The following SUMF1 variants were observed in gnomAD, a reference collection of about 807,000 sequenced individuals.
SUMF1 encodes sulfatase modifying factor 1.
SUMF1 carries 48 observed loss-of-function variants against 47.6 expected under a neutral mutation model. The ratio of observed to expected loss-of-function variants is 1.01; its 90% CI spans 0.80 to 1.28. The LOEUF (loss-of-function observed/expected upper bound fraction) is 1.28, where lower values mean the gene tolerates loss of function less well. Ranked by LOEUF, SUMF1 falls within the 50% of genes most tolerant of loss-of-function variation. The pLI, the probability that SUMF1 is intolerant of heterozygous loss-of-function variation, is 0.00. For missense variants in SUMF1, 571 were observed against 485.4 expected (o/e 1.18, Z -1.66); for synonymous variants, 230 against 192.1 (o/e 1.20, Z -1.63).
intron 8 of SUMF1, chr3:4,303,641 C>A (rs1021234246): frequency 8.4e-6 from 12 of 1,425,124 alleles, no homozygotes; most frequent in Admixed American, 2.9e-5. Context: ...TCTCTTACAG[C>A]GCACCCGTTG....
At chr3:4,317,229 G>A in intron 8 of SUMF1, 1 of 1,541,442 alleles carries the variant, frequency 6.5e-7, no homozygotes, top group Non-Finnish European at 8.7e-7. Flanking sequence ...TGATTGTAAT[G>A]GTTCCTATTT....
intron 8 of SUMF1, among the ~76,000 whole-genome samples, chr3:4,194,181 G>GT (rs57528858): frequency 6.6e-6 from 1 of 152,020 alleles, no homozygotes; most frequent in Non-Finnish European, 1.5e-5. Flanking sequence ...GAAGAACTGA[G>GT]TTTTTTTACT....
chr3:4,279,400 C>A (rs1258831051), intron 8 of SUMF1, among the ~76,000 whole-genome samples: 1 of 152,064 alleles, frequency 6.6e-6, no homozygotes, highest in Non-Finnish European at 1.5e-5. Context: ...CCTGCATGCC[C>A]ATCAACAATT....
At chr3:4,212,409 T>G (rs565183090) in intron 8 of SUMF1, among the ~76,000 whole-genome samples, 27 of 151,994 alleles carry the variant, frequency 1.8e-4, no homozygotes, top group Admixed American at 4.6e-4. Flanking sequence ...TATCCGACGG[T>G]CACCAACATC....
intron 8 of SUMF1, among the ~76,000 whole-genome samples, chr3:4,261,729 G>T (rs1050040282): frequency 6.6e-6 from 1 of 152,154 alleles, no homozygotes; most frequent in Non-Finnish European, 1.5e-5. Flanking sequence ...ATCTATCCAT[G>T]TTCACTTCTG....
At chr3:4,465,421 G>A (rs572977850) in intron 1 of SUMF1, among the ~76,000 whole-genome samples, 21 of 152,118 alleles carry the variant, frequency 1.4e-4, no homozygotes, top group African/African-American at 4.8e-4. Flanking sequence ...GGAGATTGCA[G>A]TGAGCGGAGA....
intron 8 of SUMF1, among the ~76,000 whole-genome samples, chr3:4,185,666 G>T (rs567813586): frequency 6.6e-6 from 1 of 152,082 alleles, no homozygotes; most frequent in Non-Finnish European, 1.5e-5. Context: ...GTTAATTACC[G>T]CAATGTTTAT....
chr3:4,236,496 A>G (rs1696412378), intron 8 of SUMF1, among the ~76,000 whole-genome samples: 2 of 152,098 alleles, frequency 1.3e-5, no homozygotes, highest in South Asian at 4.1e-4. Context: ...GCACCTGCCT[A>G]TAGTCCCAGC....
intron 7 of SUMF1, among the ~76,000 whole-genome samples, chr3:4,399,530 G>A (rs1360940825): frequency 1.3e-5 from 2 of 152,228 alleles, no homozygotes; most frequent in East Asian, 3.8e-4. Flanking sequence ...AGCCAAGAGT[G>A]ATGAGACAGA....
intron 9 of SUMF1, among the ~76,000 whole-genome samples, chr3:4,037,430 A>G (rs573817068): frequency 1.3e-4 from 20 of 152,324 alleles, no homozygotes; most frequent in Non-Finnish European, 2.6e-4. Context: ...ACATCGGAAT[A>G]AAATTTCACA....
At chr3:4,126,092 T>TA (rs34859048) in intron 8 of SUMF1, among the ~76,000 whole-genome samples, 58,345 of 150,624 alleles carry the variant, frequency 0.39, 12,123 homozygotes, top group Non-Finnish European at 0.48. Flanking sequence ...TCCTTTCAAA[T>TA]AAAAAAAAAT....
intron 8 of SUMF1, among the ~76,000 whole-genome samples, chr3:4,127,423 C>G (rs1693679966): frequency 6.6e-6 from 1 of 152,066 alleles, no homozygotes; most frequent in Non-Finnish European, 1.5e-5. Context: ...CAGACCCACC[C>G]TTAATTTGGG....
chr3:4,176,376 C>T lies in SUMF1; in HGVS notation c.1015-107631G>A, dbSNP rs548214290. ...CCTACAAGCTAGAAGAGAGTGGGGG[C>T]CAATATTCAACGTTCTTAAAGAAAA... On this transcript the variant is annotated intron_variant and NMD_transcript_variant, in intron 8 of 12. Transcript: ENST00000448413. Among the ~76,000 whole-genome samples the T allele has an allele frequency of 4.0e-4, 61 of 152,220 alleles. 1 individual carries two copies. Among genetic ancestry groups the T allele is most frequent in the Non-Finnish European group, 6.2e-4 (42 of 67,998 alleles).
rs531892869 is a variant in SUMF1 at position 4,307,256 on chromosome 3, G to A, written c.1014+69074C>T. On this transcript the variant is annotated intron_variant and NMD_transcript_variant, in intron 8 of 12. Transcript: ENST00000448413. ...GTGATTCAGAAAAGTCAAACTTCTC[G>A]TTAACAAGTATCAAGAGCTGCAATC... 2.0e-5 allele frequency among the ~76,000 whole-genome samples: 3 copies of A among 152,258 alleles called. No homozygotes were observed. In the South Asian group the frequency reaches 6.2e-4, roughly 32 times the overall value.
At chr3:4,466,265 C>G (rs1029579671) in intron 1 of SUMF1, among the ~76,000 whole-genome samples, 1 of 152,180 alleles carries the variant, frequency 6.6e-6, no homozygotes, top group African/African-American at 2.4e-5. Context: ...GCGCCCGCCA[C>G]CACGCCCGGC....
intron 7 of SUMF1, among the ~76,000 whole-genome samples, chr3:4,403,830 G>A (rs1701290819): frequency 6.6e-6 from 1 of 152,136 alleles, no homozygotes; most frequent in Admixed American, 6.5e-5. Flanking sequence ...TCCCACAGGG[G>A]GAGAGGTTAG....
chr3:4,300,059 G>A (rs553581455), intron 8 of SUMF1, among the ~76,000 whole-genome samples: 2 of 152,308 alleles, frequency 1.3e-5, no homozygotes, highest in South Asian at 4.1e-4. Flanking sequence ...TGGAGGTGGG[G>A]CATAGTAGGA....
At chr3:4,369,373 G>A (rs1034668295) in intron 8 of SUMF1, among the ~76,000 whole-genome samples, 1 of 152,168 alleles carries the variant, frequency 6.6e-6, no homozygotes, top group African/African-American at 2.4e-5. Context: ...AATGACTAGA[G>A]GTGACCATGC....
chr3:4,098,313 TCTAA>T (rs2125059176), intron 8 of SUMF1, among the ~76,000 whole-genome samples: 1 of 152,176 alleles, frequency 6.6e-6, no homozygotes, highest in African/African-American at 2.4e-5. Flanking sequence ...AGCCCATATC[TCTAA>T]CAAGGTAGAC....
Sources: gnomAD v4.1 joint callset for allele counts (sites outside exome capture counted in the v4.1 genomes callset) on GRCh38, gnomAD v4.1.1 for gene constraint, MANE v1.5 for transcripts, NCBI Gene and HGNC (gene_info 2026-07-23, HGNC 2026-07-21) for gene names.